Variants in SCN8A observed in about 807,000 individuals in gnomAD.
The protein encoded by SCN8A is sodium voltage-gated channel alpha subunit 8.
Under a neutral mutation model 184.1 loss-of-function variants are expected in SCN8A, and 30 were observed. The ratio of observed to expected loss-of-function variants is 0.16; its 90% confidence interval spans 0.12 to 0.22. The LOEUF is 0.22. Among genes scored for constraint, SCN8A ranks in the 10% least tolerant of loss-of-function variants. The pLI is 1.00. For missense variants in SCN8A, 1,057 were observed against 2,498.9 expected, an observed-to-expected ratio of 0.42 and a Z score of 12.30; for synonymous variants, 852 against 907.0, an observed-to-expected ratio of 0.94 and a Z score of 1.09.
At chr12:51,710,919 A>G (rs1393181031) in intron 11 of SCN8A, among the ~76,000 whole-genome samples, 1 of 152,232 alleles carries the variant, frequency 6.6e-6, no homozygotes, top group Admixed American at 6.5e-5. Context: ...TTATGCTCAT[A>G]TCCTCTTCTC....
intron 14 of SCN8A, among the ~76,000 whole-genome samples, chr12:51,754,372 C>T (rs1181377502): frequency 1.3e-5 from 2 of 151,674 alleles, no homozygotes; most frequent in Non-Finnish European, 2.9e-5. Flanking sequence ...GCCTTATCAC[C>T]CCCAAATGCT....
Position 51,711,599 on chromosome 12 carries a change from T to C in SCN8A, c.1635+4884T>C, listed in dbSNP as rs377712516. Among the ~76,000 whole-genome samples the C allele has an allele frequency of 2.6e-5, 4 of 152,340 alleles. No individual in the cohort carries two copies. In the East Asian group the frequency reaches 7.7e-4, roughly 29 times the overall value. The stretch of plus-strand genomic sequence containing the variant: ...CTCCTAACCACCCCTTCTTTATTCC[T>C]GCACACGTACATGATCATCTCTTCT... On this transcript the variant is annotated intron_variant, in intron 11 of 26. Transcript: ENST00000627620.
intron 7 of SCN8A, among the ~76,000 whole-genome samples, chr12:51,700,725 T>C (rs1455644117): frequency 1.3e-5 from 2 of 152,208 alleles, no homozygotes; most frequent in Non-Finnish European, 2.9e-5. Context: ...TGCCTTGTAA[T>C]TTAAAATAGG....
intron 16 of SCN8A, 158 bp downstream of exon 16, chr12:51,766,185 G>C: frequency 3.0e-6 from 2 of 672,860 alleles, no homozygotes; most frequent in South Asian, 1.7e-5. Context: ...ACAAATGAAG[G>C]AGAGGAGAGA....
intron 12 of SCN8A, among the ~76,000 whole-genome samples, chr12:51,725,278 G>A (rs192486174): frequency 1.2e-4 from 19 of 152,272 alleles, no homozygotes; most frequent in African/African-American, 4.1e-4. Flanking sequence ...GAAGAAAACA[G>A]CAAAACAAGA....
At chr12:51,690,524 T>TA (rs1031227971) in intron 6 of SCN8A, among the ~76,000 whole-genome samples, 1 of 151,654 alleles carries the variant, frequency 6.6e-6, no homozygotes, top group Non-Finnish European at 1.5e-5. Flanking sequence ...AGCTCATTTT[T>TA]AAAAAAAAAT....
At position 51,616,567 on chromosome 12, in the gene SCN8A, C is replaced by G. The variant is rs1376287820; in HGVS notation, c.-55+25208C>G. Among the ~76,000 whole-genome samples the G allele has an allele frequency of 2.0e-5, 3 of 151,838 alleles. No individual in the cohort carries two copies. In the East Asian group the frequency reaches 5.8e-4, roughly 30 times the overall value. The stretch of plus-strand genomic sequence containing the variant: ...GCGGAGGTACAGTGAGCAAAGAATG[C>G]ACCACTGCACCCCAGCCTGGGCAAC... On this transcript the variant is annotated intron_variant, in intron 1 of 26. Transcript: ENST00000627620.
intron 14 of SCN8A, among the ~76,000 whole-genome samples, chr12:51,761,111 T>G (rs1439366081): frequency 6.6e-6 from 1 of 152,182 alleles, no homozygotes; most frequent in African/African-American, 2.4e-5. Flanking sequence ...AACATAATAT[T>G]CAATAAGAGT....
intron 11 of SCN8A, among the ~76,000 whole-genome samples, chr12:51,717,527 C>T (rs1210136104): frequency 3.9e-5 from 6 of 152,136 alleles, no homozygotes; most frequent in African/African-American, 1.2e-4. Flanking sequence ...TGAATCACAC[C>T]GAGCAGAGCT....
At chr12:51,622,606 C>T (rs937375861) in intron 1 of SCN8A, among the ~76,000 whole-genome samples, 2 of 152,076 alleles carry the variant, frequency 1.3e-5, no homozygotes, top group Non-Finnish European at 2.9e-5. Flanking sequence ...AAGTGCCTTC[C>T]TCATATCATA....
intron 6 of SCN8A, among the ~76,000 whole-genome samples, chr12:51,696,809 C>T (rs1034090128): frequency 2.6e-5 from 4 of 151,516 alleles, no homozygotes; most frequent in Non-Finnish European, 2.9e-5. Flanking sequence ...GGTGGGCGGA[C>T]GACCTGAGGT....
chr12:51,747,089 A>ATGTGTGTGTG (rs60490453), intron 13 of SCN8A, among the ~76,000 whole-genome samples: 1,878 of 81,124 alleles, frequency 0.023, 25 homozygotes, highest in African/African-American at 0.058. Flanking sequence ...CTCTGTGTGT[A>ATGTGTGTGTG]TGTGTGTGTG....
At chr12:51,592,059 C>A (rs12369302) in intron 1 of SCN8A, among the ~76,000 whole-genome samples, 1 of 115,256 alleles carries the variant, frequency 8.7e-6, no homozygotes, top group Non-Finnish European at 1.8e-5. Flanking sequence ...ACCCCCACCC[C>A]CACCCCCCAC....
chr12:51,789,549 TG>T, intron 24 of SCN8A, 131 bp downstream of exon 24: 1 of 1,053,700 alleles, frequency 9.5e-7, no homozygotes, highest in Admixed American at 2.3e-5. Context: ...ACTGTGACCC[TG>T]GCCCCCATAC....
At chr12:51,786,511 CA>C (rs765913641) in intron 21 of SCN8A, 30 bp from the exon 22 acceptor site, 5 of 1,613,500 alleles carry the variant, frequency 3.1e-6, no homozygotes, top group Non-Finnish European at 4.2e-6. Context: ...CATTTCCACC[CA>C]ACACTGAGCA....
rs1439791 is a variant in SCN8A, at chr12:51,786,334, G to A, written c.3943-208G>A. On this transcript the variant is annotated intron_variant, in intron 21 of 26. Coordinates refer to ENST00000627620, the MANE Select transcript of SCN8A (RefSeq NM_001330260.2). ...GGAATTTGTGTTAGTCAAAATAAAG[G>A]TGTAACTTTTTAAAATTCCTTCAAT... Among the ~76,000 whole-genome samples the A allele has an allele frequency of 0.13, 19,910 of 152,192 alleles. 1,582 individuals are homozygous for A. Among genetic ancestry groups the A allele is most frequent in the East Asian group, 0.36 (1,870 of 5,172 alleles).
At chr12:51,603,275 A>G (rs927821898) in intron 1 of SCN8A, among the ~76,000 whole-genome samples, 7 of 152,252 alleles carry the variant, frequency 4.6e-5, no homozygotes, top group Non-Finnish European at 8.8e-5. Flanking sequence ...ACTACACTAT[A>G]TAACCCTTTG....
At chr12:51,794,344 TTA>T (rs1458538163) in intron 25 of SCN8A, 25 bp from the exon 26 acceptor site, 8 of 1,591,416 alleles carry the variant, frequency 5.0e-6, no homozygotes, top group East Asian at 2.2e-5. Flanking sequence ...CATGAATCTT[TTA>T]TCTTTTCCTT....
At chr12:51,780,505 C>CA in intron 20 of SCN8A, 144 bp from the exon 21 acceptor site, 1 of 576,402 alleles carries the variant, frequency 1.7e-6, no homozygotes, top group South Asian at 2.7e-5. Context: ...CTGGGGGGCC[C>CA]AATCTGTGTC....
Sources: gnomAD v4.1 joint callset for allele counts (sites outside exome capture counted in the v4.1 genomes callset) on GRCh38, gnomAD v4.1.1 for gene constraint, MANE v1.5 for transcripts, NCBI Gene and HGNC (gene_info 2026-07-23, HGNC 2026-07-21) for gene names.